The following STT3B variants were observed in gnomAD, a reference collection of about 807,000 sequenced individuals.
The protein encoded by STT3B is STT3 oligosaccharyltransferase complex catalytic subunit B, also known as dolichyl-diphosphooligosaccharide--protein glycosyltransferase subunit STT3B.
A neutral mutation model predicts 96.8 loss-of-function variants in STT3B; 29 were observed. That is an observed-to-expected ratio of 0.30 (90% CI 0.22 to 0.41). STT3B has a LOEUF of 0.41. Ranked by LOEUF, STT3B falls within the 10% of genes least tolerant of loss-of-function variation. The probability of loss-of-function intolerance (pLI) is 1.00; values close to 1 mark genes in which losing one functional copy is unlikely to be tolerated. For synonymous variants in STT3B, 367 were observed against 360.0 expected (o/e 1.02, Z -0.22); for missense variants, 640 against 1,022.3 (o/e 0.63, Z 5.10).
chr3:31,565,575 T>A (rs1261419211), intron 1 of STT3B, among the ~76,000 whole-genome samples: 2 of 152,176 alleles, frequency 1.3e-5, no homozygotes, highest in African/African-American at 2.4e-5. Context: ...TTGAATTGGT[T>A]AATATAAGAA....
intron 3 of STT3B, among the ~76,000 whole-genome samples, chr3:31,594,271 C>A (rs1698735983): frequency 6.6e-6 from 1 of 152,132 alleles, no homozygotes; most frequent in Non-Finnish European, 1.5e-5. Flanking sequence ...TCCTCCCTAT[C>A]ATTTCTGACA....
chr3:31,569,611 A>G (rs1698090139), intron 1 of STT3B, among the ~76,000 whole-genome samples: 1 of 152,196 alleles, frequency 6.6e-6, no homozygotes, highest in South Asian at 2.1e-4. Context: ...TTGCTTCAAA[A>G]CAGATTCTTT....
At position 31,601,310 on chromosome 3, in the gene STT3B, A is replaced by G. The variant is rs188187114; in HGVS notation, c.877+851A>G. 9.2e-5 allele frequency among the ~76,000 whole-genome samples: 14 copies of G among 152,358 alleles called. No homozygotes were observed. In the South Asian group the frequency reaches 1.0e-3, roughly 11 times the overall value. On this transcript the variant is annotated intron_variant, in intron 5 of 15. Coordinates refer to ENST00000295770, the MANE Select transcript of STT3B (RefSeq NM_178862.3). ...AAAAATGAAGACAACCCAAATGTCTATCAGCTTTATGAAACCATAAAATAT... is the reference window on the plus strand; with the variant it reads ...AAAAATGAAGACAACCCAAATGTCTGTCAGCTTTATGAAACCATAAAATAT...
At position 31,600,465 on chromosome 3, in the gene STT3B, T is replaced by A; in HGVS notation, c.877+6T>A. On this transcript the variant is annotated splice_donor_region_variant and intron_variant, in intron 5 of 15. Transcript: ENST00000295770. The stretch of plus-strand genomic sequence containing the variant: ...CAGCAAAAGAGTCTACATAGGTAAG[T>A]AATTTGATTTTTGACATCTGTCAAC... 7.2e-7 allele frequency: 1 copy of A among 1,393,938 alleles called. No individual in the cohort carries two copies. The highest frequency in any genetic ancestry group is 1.0e-6 in the Non-Finnish European group (1 of 992,006). 86.3% of individuals were successfully genotyped at this position (1,393,938 alleles called of 1,614,324 possible). A position where few individuals can be genotyped will look rare whatever the true frequency, so the allele number is the denominator to read the frequency against.
At chr3:31,559,157 G>A (rs1697799233) in intron 1 of STT3B, among the ~76,000 whole-genome samples, 1 of 137,144 alleles carries the variant, frequency 7.3e-6, no homozygotes, top group Admixed American at 7.1e-5. Flanking sequence ...GTGTGTGTGT[G>A]TGTGTGTGTG....
At chr3:31,560,320 C>T (rs1697843981) in intron 1 of STT3B, among the ~76,000 whole-genome samples, 1 of 151,706 alleles carries the variant, frequency 6.6e-6, no homozygotes. Flanking sequence ...ACATTTGAGT[C>T]TTTTCTTTGT....
chr3:31,566,068 T>C (rs1383326069), intron 1 of STT3B, among the ~76,000 whole-genome samples: 6 of 152,174 alleles, frequency 3.9e-5, no homozygotes, highest in Admixed American at 3.3e-4. Context: ...AAGCCCCATA[T>C]ATAAATAGAC....
chr3:31,544,301 A>G (rs370522481), intron 1 of STT3B, among the ~76,000 whole-genome samples: 1 of 152,234 alleles, frequency 6.6e-6, no homozygotes, highest in Non-Finnish European at 1.5e-5. Flanking sequence ...AAAAATACTC[A>G]TTAGGGATAA....
At position 31,633,030 on chromosome 3, in the gene STT3B, A is replaced by G. The variant is rs199705128; in HGVS notation, c.2283A>G (p.Thr761=). 5.6e-6 allele frequency: 9 copies of G among 1,614,046 alleles called. No individual in the cohort carries two copies. The highest frequency in any genetic ancestry group is 7.6e-6 in the Non-Finnish European group (9 of 1,179,994). Residue 761 remains threonine, a synonymous_variant, in exon 15 of 16, where the codon ACA becomes ACG. Transcript: ENST00000295770. ...TCAAACATTTGGAAGAAGCCTTTAC[A>G]TCAGAACACTGGCTTGTTAGGATAT... ...IKFKHLEEAF[T]SEHWLVRIYK...
chr3:31,615,208 G>GA lies in STT3B; in HGVS notation c.976+10dup. On this transcript the variant is annotated splice_donor_region_variant and intron_variant, in intron 6 of 15. Transcript: ENST00000295770. ...GTGAACACATGGCAGCTGCAGGTATGAAAAATATATATTTTCCTTCTTCTA... is the reference window on the plus strand; with the variant it reads ...GTGAACACATGGCAGCTGCAGGTATGAAAAAATATATATTTTCCTTCTTCTA... 1 of 1,592,290 alleles carries GA rather than the reference G, an allele frequency of 6.3e-7. No homozygotes were observed. The highest frequency in any genetic ancestry group is 8.6e-7 in the Non-Finnish European group (1 of 1,163,734).
chr3:31,587,265 C>CG (rs1259696023), intron 3 of STT3B, among the ~76,000 whole-genome samples: 1 of 89,604 alleles, frequency 1.1e-5, no homozygotes, highest in Non-Finnish European at 3.2e-5. Flanking sequence ...TTTAACACTC[C>CG]AAAAAGCCTC....
chr3:31,625,500 C>T (rs1671293626), intron 12 of STT3B, among the ~76,000 whole-genome samples: 2 of 152,208 alleles, frequency 1.3e-5, no homozygotes, highest in Admixed American at 1.3e-4. Flanking sequence ...GTAATCCCCT[C>T]TTTGTACTTC....
chr3:31,548,281 G>A lies in STT3B; in HGVS notation c.314+14969G>A, dbSNP rs1575407924. ...TAAGTGTCAAGTAGTTTGGCAAAAA[G>A]ATTTCACCAGGTTGAGCATAGTAAC... On this transcript the variant is annotated intron_variant, in intron 1 of 15. Transcript: ENST00000295770. 3.3e-5 allele frequency among the ~76,000 whole-genome samples: 5 copies of A among 152,084 alleles called. No individual in the cohort carries two copies. In the South Asian group the frequency reaches 1.0e-3, roughly 32 times the overall value.
chr3:31,620,659 C>T (rs1369083660), intron 9 of STT3B, among the ~76,000 whole-genome samples: 1 of 152,114 alleles, frequency 6.6e-6, no homozygotes, highest in East Asian at 1.9e-4. Context: ...ACAAAATAAG[C>T]AGATATCAAA....
At chr3:31,572,023 T>TATATATTAATATATGATATATTA (rs1259505050) in intron 1 of STT3B, among the ~76,000 whole-genome samples, 3 of 40,780 alleles carry the variant, frequency 7.4e-5, no homozygotes, top group East Asian at 9.2e-4. Flanking sequence ...AACATATTAA[T>TATATATTAATATATGATATATTA]ATATATTAAT....
chr3:31,561,282 T>A (rs528943690), intron 1 of STT3B, among the ~76,000 whole-genome samples: 48 of 152,176 alleles, frequency 3.2e-4, no homozygotes, highest in East Asian at 1.3e-3. Context: ...TTTTATTTTT[T>A]AAAAAAATTT....
chr3:31,533,425 C>A, intron 1 of STT3B, 113 bp downstream of exon 1: 1 of 1,245,312 alleles, frequency 8.0e-7, no homozygotes, highest in South Asian at 2.5e-5. Flanking sequence ...GAGCCCCGCT[C>A]GCGTCCTGGC....
Position 31,600,426 on chromosome 3 carries a change from C to A in STT3B, c.844C>A (p.Leu282Met). The A allele has an allele frequency of 1.3e-6, 2 of 1,593,004 alleles. No individual in the cohort carries two copies. Among genetic ancestry groups the A allele is most frequent in the Non-Finnish European group, 1.7e-6 (2 of 1,164,458 alleles). Residue 282 changes from leucine to methionine, a missense_variant, in exon 5 of 16, where the codon CTG becomes ATG. By Grantham distance (15) the Leu-to-Met change is conservative. Coordinates refer to ENST00000295770, the MANE Select transcript of STT3B (RefSeq NM_178862.3). ...LIPLHVFVLL[L>M]MQRYSKRVYI... ...TCCACTGCATGTATTTGTGTTGTTA[C>A]TGATGCAGAGATACAGCAAAAGAGT...
At chr3:31,540,758 A>G (rs2125434659) in intron 1 of STT3B, among the ~76,000 whole-genome samples, 1 of 152,312 alleles carries the variant, frequency 6.6e-6, no homozygotes, top group East Asian at 1.9e-4. Flanking sequence ...AAAAAAATTA[A>G]AATGTAGTGT....
Sources: gnomAD v4.1 joint callset for allele counts (sites outside exome capture counted in the v4.1 genomes callset) on GRCh38, gnomAD v4.1.1 for gene constraint, MANE v1.5 for transcripts, NCBI Gene and HGNC (gene_info 2026-07-23, HGNC 2026-07-21) for gene names.